Variants in NCR2 observed in about 807,000 individuals in gnomAD.
NCR2 encodes natural cytotoxicity triggering receptor 2, also known as NK cell activating receptor (NKp44).
Under a neutral mutation model 30.7 loss-of-function variants are expected in NCR2, and 35 were observed. The observed-to-expected ratio is 1.14, with a 90% CI of 0.87 to 1.51. The LOEUF (loss-of-function observed/expected upper bound fraction) is 1.51, where lower values mean the gene tolerates loss of function less well. NCR2 is among the 40% of genes most tolerant of loss of function. The pLI is 0.00. For synonymous variants in NCR2, 146 were observed against 134.8 expected, an observed-to-expected ratio of 1.08 and a Z score of -0.58; for missense variants, 316 against 328.9, an observed-to-expected ratio of 0.96 and a Z score of 0.30.
chr6:41,343,220 G>A (rs1769221144), intron 4 of NCR2, among the ~76,000 whole-genome samples: 2 of 152,274 alleles, frequency 1.3e-5, no homozygotes. Flanking sequence ...CGTTGTGGGA[G>A]CAAAGCCCAG....
At chr6:41,346,998 T>C (rs1429498116) in intron 4 of NCR2, among the ~76,000 whole-genome samples, 1 of 152,174 alleles carries the variant, frequency 6.6e-6, no homozygotes, top group Admixed American at 6.5e-5. Context: ...CTCTCCCTAC[T>C]CTTATCTCAA....
At chr6:41,350,051 C>A (rs1447442907) in intron 4 of NCR2, among the ~76,000 whole-genome samples, 1 of 152,190 alleles carries the variant, frequency 6.6e-6, no homozygotes, top group Non-Finnish European at 1.5e-5. Flanking sequence ...CACATTACTG[C>A]AGATGACAGT....
chr6:41,344,733 T>C (rs533532719), intron 4 of NCR2, among the ~76,000 whole-genome samples: 41 of 152,346 alleles, frequency 2.7e-4, no homozygotes, highest in African/African-American at 9.9e-4. Flanking sequence ...GCCCATCATA[T>C]CTTTTATTTT....
intron 4 of NCR2, chr6:41,342,815 C>A: frequency 1.0e-6 from 1 of 969,720 alleles, no homozygotes; most frequent in East Asian, 2.6e-5. Context: ...ACAACTCAGT[C>A]AGGCCAGGAG....
intron 4 of NCR2, 135 bp from the exon 5 acceptor site, chr6:41,350,543 C>A: frequency 1.4e-6 from 1 of 709,328 alleles, no homozygotes; most frequent in Non-Finnish European, 2.4e-6. Context: ...TGGCCAGGAG[C>A]AGACTTCATC....
chr6:41,350,598 G>A (rs1769402543), intron 4 of NCR2, 80 bp from the exon 5 acceptor site: 1 of 1,258,922 alleles, frequency 7.9e-7, no homozygotes, highest in Non-Finnish European at 1.1e-6. Flanking sequence ...TAGTGGGATG[G>A]GGAAGGGGTT....
chr6:41,341,692 C>A, intron 2 of NCR2, 102 bp from the exon 3 acceptor site: 1 of 1,421,634 alleles, frequency 7.0e-7, no homozygotes, highest in Non-Finnish European at 9.5e-7. Context: ...GGCGCATGGG[C>A]TCTGTTCCCA....
intron 4 of NCR2, 99 bp from the exon 5 acceptor site, chr6:41,350,579 C>A (rs371067419): frequency 6.6e-6 from 7 of 1,063,356 alleles, no homozygotes; most frequent in Non-Finnish European, 9.7e-6. Context: ...TGGCAACCAA[C>A]CCTGCGAGTA....
At chr6:41,336,908 A>T (rs1561940637) in intron 2 of NCR2, among the ~76,000 whole-genome samples, 1 of 152,178 alleles carries the variant, frequency 6.6e-6, no homozygotes, top group Admixed American at 6.5e-5. Context: ...AAGAAAAACA[A>T]TATTTTGTGA....
chr6:41,342,188 AG>A (rs1561942792), intron 4 of NCR2, 39 bp downstream of exon 4: 2 of 1,606,518 alleles, frequency 1.2e-6, no homozygotes, highest in African/African-American at 2.7e-5. Flanking sequence ...AAAATGGAAC[AG>A]GGAACAGCTT....
intron 4 of NCR2, 136 bp from the exon 5 acceptor site, chr6:41,350,542 G>A (rs900182089): frequency 2.8e-6 from 2 of 708,772 alleles, no homozygotes; most frequent in East Asian, 2.6e-5. Context: ...GTGGCCAGGA[G>A]CAGACTTCAT....
At chr6:41,338,971 C>G (rs1769099425) in intron 2 of NCR2, among the ~76,000 whole-genome samples, 1 of 152,230 alleles carries the variant, frequency 6.6e-6, no homozygotes, top group Admixed American at 6.5e-5. Flanking sequence ...GGATTCCTTT[C>G]AAGAGCTTTT....
Position 41,335,790 on chromosome 6 carries a change from A to C in NCR2, c.-87A>C. On this transcript the variant is annotated 5_prime_UTR_variant, in exon 1 of 5. Coordinates refer to ENST00000373089, the MANE Select transcript of NCR2 (RefSeq NM_004828.4). ...ATTTTTCTATCAGACGTGCTGGAAG[A>C]GCAGCAGAATCAGGCCCAGCTCCCA... The C allele has an allele frequency of 7.2e-7, 1 of 1,392,768 alleles. No individual in the cohort carries two copies. The highest frequency in any genetic ancestry group is 1.4e-5 in the African/African-American group (1 of 70,386). 86.3% of individuals were successfully genotyped at this position (1,392,768 alleles called of 1,614,324 possible). A position where few individuals can be genotyped will look rare whatever the true frequency, so the allele number is the denominator to read the frequency against.
At position 41,335,662 on chromosome 6, in the gene NCR2, C is replaced by A; in HGVS notation, c.-215C>A. ...GTGTGCCAGACAGCGCCGAGCCCAC[C>A]AGACCCAGACTCACCTACAGCTGGA... On this transcript the variant is annotated 5_prime_UTR_variant, in exon 1 of 5. Transcript: ENST00000373089. 1 of 598,398 alleles carries A rather than the reference C, an allele frequency of 1.7e-6. No homozygotes were observed. Among genetic ancestry groups the A allele is most frequent in the Non-Finnish European group, 3.0e-6 (1 of 334,522 alleles). The allele number at this position is 598,398 out of a possible 1,614,324, so 37.1% of individuals were successfully genotyped here. A position where few individuals can be genotyped will look rare whatever the true frequency, so the allele number is the denominator to read the frequency against.
At chr6:41,346,152 C>T (rs977624894) in intron 4 of NCR2, among the ~76,000 whole-genome samples, 6 of 152,148 alleles carry the variant, frequency 3.9e-5, no homozygotes, top group Non-Finnish European at 7.4e-5. Context: ...GTCTCAACCC[C>T]AGGCTCAGCG....
chr6:41,343,460 A>G (rs1211529545), intron 4 of NCR2, among the ~76,000 whole-genome samples: 1 of 152,236 alleles, frequency 6.6e-6, no homozygotes, highest in South Asian at 2.1e-4. Context: ...AGCCTGAGCC[A>G]CGGAGTGAGA....
chr6:41,344,823 C>G (rs1157615334), intron 4 of NCR2, among the ~76,000 whole-genome samples: 1 of 152,238 alleles, frequency 6.6e-6, no homozygotes, highest in African/African-American at 2.4e-5. Flanking sequence ...TGCTTAGAAG[C>G]CCCATGCGGG....
intron 4 of NCR2, among the ~76,000 whole-genome samples, chr6:41,346,117 G>A (rs1383273727): frequency 6.6e-6 from 1 of 152,042 alleles, no homozygotes; most frequent in Non-Finnish European, 1.5e-5. Context: ...GTACAATCTG[G>A]GGCACGGCTC....
chr6:41,343,036 G>C (rs1769215854), intron 4 of NCR2: 1 of 1,547,766 alleles, frequency 6.5e-7, no homozygotes, highest in African/African-American at 1.4e-5. Flanking sequence ...TGGGCGGCCA[G>C]TCTCCAACAA....
Sources: allele counts gnomAD v4.1 joint callset (sites outside exome capture counted in the v4.1 genomes callset), GRCh38; gene constraint gnomAD v4.1.1; transcripts MANE v1.5; gene names NCBI Gene and HGNC (gene_info 2026-07-23, HGNC 2026-07-21).